The following PRC1 variants were observed in gnomAD, a reference collection of about 807,000 sequenced individuals.
The protein encoded by PRC1 is anaphase spindle elongation 1 homolog.
PRC1 carries 54 observed loss-of-function variants against 91.2 expected under a neutral mutation model. The ratio of observed to expected loss-of-function variants is 0.59; its 90% confidence interval spans 0.48 to 0.74. The LOEUF is 0.74. PRC1 is among the 30% of genes least tolerant of loss of function. PRC1 has a pLI of 0.00. For synonymous variants in PRC1, 275 were observed against 263.6 expected, an observed-to-expected ratio of 1.04 and a Z score of -0.42; for missense variants, 727 against 746.2, an observed-to-expected ratio of 0.97 and a Z score of 0.30.
chr15:90,983,954 A>C, intron 3 of PRC1, 64 bp downstream of exon 3: 1 of 1,580,466 alleles, frequency 6.3e-7, no homozygotes, highest in East Asian at 2.3e-5. Flanking sequence ...GGCCCAAGTC[A>C]ACGTTGCTTT....
At position 90,994,066 on chromosome 15, in the gene PRC1, G is replaced by A. The variant is rs1208969234; in HGVS notation, c.11+341C>T. Among the ~76,000 whole-genome samples the A allele has an allele frequency of 2.0e-5, 3 of 152,270 alleles. No homozygotes were observed. The East Asian group carries it at 5.8e-4, about 29-fold the overall frequency. On this transcript the variant is annotated intron_variant, in intron 1 of 14. Coordinates refer to ENST00000394249, the MANE Select transcript of PRC1 (RefSeq NM_003981.4). ...GCTGCGGGCGGGGAGGGTGGGGTCCGAGCGCCAGCGCTGACCGCCTGGGTG... is the reference window on the plus strand; with the variant it reads ...GCTGCGGGCGGGGAGGGTGGGGTCCAAGCGCCAGCGCTGACCGCCTGGGTG...
chr15:90,981,065 C>A, intron 5 of PRC1, 32 bp from the exon 6 acceptor site: 1 of 1,612,450 alleles, frequency 6.2e-7, no homozygotes, highest in Non-Finnish European at 8.5e-7. Context: ...TCACTCACGG[C>A]AAAGCAGCAG....
intron 12 of PRC1, among the ~76,000 whole-genome samples, chr15:90,970,036 T>TG (rs1484412332): frequency 2.6e-5 from 4 of 152,172 alleles, no homozygotes; most frequent in Non-Finnish European, 4.4e-5. Context: ...ACATCTCTAC[T>TG]GAGTACCTGG....
chr15:90,976,449 G>A (rs1261922975), intron 9 of PRC1, among the ~76,000 whole-genome samples: 2 of 152,052 alleles, frequency 1.3e-5, no homozygotes, highest in Admixed American at 1.3e-4. Flanking sequence ...AAAGTGCTGG[G>A]ATTACAGGCG....
At chr15:90,987,310 C>T (rs2039656377) in intron 1 of PRC1, among the ~76,000 whole-genome samples, 1 of 151,962 alleles carries the variant, frequency 6.6e-6, no homozygotes, top group African/African-American at 2.4e-5. Context: ...CCAAACTAAT[C>T]AATGCTTTCA....
In PRC1 at chr15:90,966,087, T is replaced by A. The variant is rs1457773559; in HGVS notation, c.*1044A>T. 2 of 152,268 alleles carry A rather than the reference T, an allele frequency of 1.3e-5. No homozygotes were observed. The highest frequency in any genetic ancestry group is 2.9e-5 in the Non-Finnish European group (2 of 68,094). The allele number at this position is 152,268 out of a possible 1,614,324, so 9.4% of individuals were successfully genotyped here. A position where few individuals can be genotyped will look rare whatever the true frequency, so the allele number is the denominator to read the frequency against. On this transcript the variant is annotated 3_prime_UTR_variant, in exon 15 of 15. Coordinates refer to ENST00000394249, the MANE Select transcript of PRC1 (RefSeq NM_003981.4). ...ATTTTAATTTATTTTTAAGAATAAT[T>A]GTATATTTTAAAAACAGGACACGTA...
At chr15:90,993,831 C>T (rs1046068844) in intron 1 of PRC1, among the ~76,000 whole-genome samples, 5 of 152,162 alleles carry the variant, frequency 3.3e-5, no homozygotes, top group African/African-American at 1.2e-4. Context: ...GCCTGTAATC[C>T]CAACACTTTG....
In PRC1 at chr15:90,970,524, A is replaced by G; in HGVS notation, c.1462-10T>C. On this transcript the variant is annotated splice_polypyrimidine_tract_variant and intron_variant, in intron 11 of 14. Transcript: ENST00000394249. ...TGGTGGTAGTGTTCAGCTAGGGAGA[A>G]GAGCACGTGGGTAACTGATGTGCAG... 6.3e-7 allele frequency: 1 copy of G among 1,577,076 alleles called. No homozygotes were observed. The highest frequency in any genetic ancestry group is 1.7e-5 in the Admixed American group (1 of 59,904).
chr15:90,969,773 T>TAC (rs2037921885), intron 12 of PRC1, 150 bp from the exon 13 acceptor site: 1 of 48,722 alleles, frequency 2.1e-5, no homozygotes, highest in Admixed American at 4.0e-4. Flanking sequence ...CATATATATA[T>TAC]ATATATATAT....
chr15:90,981,353 T>G, intron 5 of PRC1, 146 bp downstream of exon 5: 1 of 932,988 alleles, frequency 1.1e-6, no homozygotes, highest in Non-Finnish European at 1.6e-6. Flanking sequence ...AAATCAAGGT[T>G]GTATATCATA....
At position 90,986,993 on chromosome 15, in the gene PRC1, G is replaced by C. The variant is rs151281927; in HGVS notation, c.12-2168C>G. 5.5e-3 allele frequency among the ~76,000 whole-genome samples: 839 copies of C among 151,788 alleles called. 10 individuals carry two copies. Among genetic ancestry groups the C allele is most frequent in the African/African-American group, 0.02 (821 of 41,386 alleles). ...GAGAGTTCAAAAACAGGCAAAACTG[G>C]CCAGGCACGGTAGTTCACGCCTGTA... On this transcript the variant is annotated intron_variant, in intron 1 of 14. Coordinates refer to ENST00000394249, the MANE Select transcript of PRC1 (RefSeq NM_003981.4).
chr15:90,990,586 A>G (rs8025699), intron 1 of PRC1, among the ~76,000 whole-genome samples: 47,139 of 151,262 alleles, frequency 0.31, 9,392 homozygotes, highest in African/African-American at 0.55. Context: ...AAGGGGATTG[A>G]CTGCTAATGG....
At chr15:90,987,248 A>C (rs1361307922) in intron 1 of PRC1, among the ~76,000 whole-genome samples, 1 of 152,118 alleles carries the variant, frequency 6.6e-6, no homozygotes, top group East Asian at 1.9e-4. Context: ...TGCACTCCAA[A>C]GCAACACCCT....
chr15:90,983,486 T>C (rs1415060491), intron 3 of PRC1, among the ~76,000 whole-genome samples: 1 of 152,196 alleles, frequency 6.6e-6, no homozygotes, highest in Non-Finnish European at 1.5e-5. Flanking sequence ...CTCAGCTCCA[T>C]ACCCAGATGG....
Position 90,984,051 on chromosome 15 carries a change from A to T in PRC1, c.234T>A (p.Thr78=), listed in dbSNP as rs771287908. ...GCTCAACATGTAACTCGCTGCACAG[A>T]GTGTTCAGCTCTTTCTGACAGACGG... ...SISVCQKELN[T]LCSELHVEPF... The change falls in exon 3 of 15, where the codon ACT becomes ACA. Residue 78 remains threonine (T), a synonymous_variant. Transcript: ENST00000394249. This position sits in a 1 kb window ranked among gnomAD's most constrained non-coding sequence, Gnocchi z 5.1. 12 of 1,614,120 alleles carry T rather than the reference A, an allele frequency of 7.4e-6. No homozygotes were observed. The highest frequency in any genetic ancestry group is 2.2e-5 in the East Asian group (1 of 44,878).
At chr15:90,968,664 G>A (rs1378438078) in intron 14 of PRC1, 2 of 1,013,758 alleles carry the variant, frequency 2.0e-6, no homozygotes, top group African/African-American at 3.4e-5. Flanking sequence ...TAAGCCCTGA[G>A]GGGTTAGGAA....
At position 90,983,978 on chromosome 15, in the gene PRC1, C is replaced by A. The variant is rs772589593; in HGVS notation, c.267+40G>T. Reference sequence around the variant, plus strand: ...CAACGTTGCTTTCTAAGTCTCAGGCCCCAGACAGATCACCAGAGACCCTGT... The same window carrying A: ...CAACGTTGCTTTCTAAGTCTCAGGCACCAGACAGATCACCAGAGACCCTGT... On this transcript the variant is annotated intron_variant, in intron 3 of 14. Coordinates refer to ENST00000394249, the MANE Select transcript of PRC1 (RefSeq NM_003981.4). The A allele has an allele frequency of 4.3e-6, 7 of 1,609,386 alleles. No individual in the cohort carries two copies. The Admixed American group carries it at 8.4e-5, about 19-fold the overall frequency.
intron 6 of PRC1, 46 bp downstream of exon 6, chr15:90,980,838 A>T (rs775980694): frequency 6.2e-7 from 1 of 1,612,210 alleles, no homozygotes. Context: ...CTAACACAGA[A>T]GTGCTAAGAG....
At position 90,976,388 on chromosome 15, in the gene PRC1, C is replaced by G. The variant is rs1020660337; in HGVS notation, c.1203+288G>C. On this transcript the variant is annotated intron_variant, in intron 9 of 14. Transcript: ENST00000394249. ...TGAACTCCTGACCTCATGATCAAGACCAGGCTGGTCTTGAACTCCTGACCT... is the reference window on the plus strand; with the variant it reads ...TGAACTCCTGACCTCATGATCAAGAGCAGGCTGGTCTTGAACTCCTGACCT... Among the ~76,000 whole-genome samples, 5 of 143,776 alleles carry G rather than the reference C, an allele frequency of 3.5e-5. No homozygotes were observed. In the South Asian group the frequency reaches 7.4e-4, roughly 21 times the overall value. 94.3% of individuals were successfully genotyped at this position (143,776 alleles called of 152,430 possible).
Sources: gnomAD v4.1 joint callset for allele counts (sites outside exome capture counted in the v4.1 genomes callset) on GRCh38, gnomAD v4.1.1 for gene constraint, Gnocchi (gnomAD v3.1) non-coding constraint, MANE v1.5 for transcripts, NCBI Gene and HGNC (gene_info 2026-07-23, HGNC 2026-07-21) for gene names.